Variants in ARK2C observed in about 807,000 individuals in gnomAD.
ARK2C encodes E3 ubiquitin-protein ligase ARK2C.
chr18:46,379,022 A>G, the ARK2C span, among the ~76,000 whole-genome samples: 131,128 of 152,228 alleles, frequency 0.86, 57,209 homozygotes, highest in Middle Eastern at 0.9. Flanking sequence ...GGAGTAGGGA[A>G]GGAGCGGGGC....
the ARK2C span, among the ~76,000 whole-genome samples, chr18:46,406,376 G>A: frequency 1.3e-5 from 2 of 152,220 alleles, no homozygotes; most frequent in African/African-American, 4.8e-5. Flanking sequence ...TGCCCTGTGG[G>A]TGCTGGCCGG....
the ARK2C span, among the ~76,000 whole-genome samples, chr18:46,410,228 A>G: frequency 5.9e-5 from 9 of 152,126 alleles, no homozygotes; most frequent in Non-Finnish European, 1.2e-4. Flanking sequence ...GGCTTCTTGC[A>G]CCTCAGCTCT....
chr18:46,377,699 A>T, the ARK2C span, among the ~76,000 whole-genome samples: 1 of 152,210 alleles, frequency 6.6e-6, no homozygotes, highest in Non-Finnish European at 1.5e-5. Flanking sequence ...CATGAGGGCA[A>T]AGGCATGAGA....
the ARK2C span, among the ~76,000 whole-genome samples, chr18:46,433,801 G>A: frequency 6.6e-6 from 1 of 152,236 alleles, no homozygotes; most frequent in South Asian, 2.1e-4. Context: ...TCACCCAGGT[G>A]CAGGGTCGGG....
chr18:46,347,361 G>T, the ARK2C span, among the ~76,000 whole-genome samples: 1 of 152,122 alleles, frequency 6.6e-6, no homozygotes, highest in African/African-American at 2.4e-5. Flanking sequence ...CCCTGGCCCT[G>T]GCCATCCTGC....
chr18:46,432,769 C>T, the ARK2C span, among the ~76,000 whole-genome samples: 1 of 151,712 alleles, frequency 6.6e-6, no homozygotes, highest in Non-Finnish European at 1.5e-5. Context: ...CACGGTGAAA[C>T]TCCGTCTCTA....
the ARK2C span, chr18:46,334,897 C>T: frequency 4.2e-5 from 7 of 165,324 alleles, no homozygotes; most frequent in Admixed American, 4.5e-4. The surrounding 1 kb of genome is among the most constrained non-coding windows in gnomAD (Gnocchi z 4.4). Context: ...CCCACCCTCT[C>T]GTGGGCACTT....
chr18:46,334,773 T>A, the ARK2C span: 2 of 295,180 alleles, frequency 6.8e-6, no homozygotes, highest in Non-Finnish European at 1.2e-5. This position sits in a 1 kb window ranked among gnomAD's most constrained non-coding sequence, Gnocchi z 4.4. Flanking sequence ...GTTTGCTTTT[T>A]TTGAGGTATA....
the ARK2C span, among the ~76,000 whole-genome samples, chr18:46,340,163 C>T: frequency 6.6e-6 from 1 of 152,286 alleles, no homozygotes; most frequent in Admixed American, 6.5e-5. Flanking sequence ...CCCGGCTTAA[C>T]ATTGTATGAA....
At chr18:46,425,030 C>T in the ARK2C span, among the ~76,000 whole-genome samples, 1 of 152,240 alleles carries the variant, frequency 6.6e-6, no homozygotes, top group Non-Finnish European at 1.5e-5. Context: ...CCCTGCCCCT[C>T]CCTGGTGCCT....
the ARK2C span, among the ~76,000 whole-genome samples, chr18:46,438,572 G>T: frequency 2.0e-5 from 3 of 152,240 alleles, no homozygotes; most frequent in Admixed American, 6.5e-5. Context: ...GAAAATCAGA[G>T]ATTCTGCCAT....
At chr18:46,377,756 T>C in the ARK2C span, among the ~76,000 whole-genome samples, 1 of 152,050 alleles carries the variant, frequency 6.6e-6, no homozygotes, top group South Asian at 2.1e-4. Context: ...TGGGGCATTG[T>C]GAGATGAATA....
At chr18:46,356,567 G>A in the ARK2C span, among the ~76,000 whole-genome samples, 159 of 152,250 alleles carry the variant, frequency 1.0e-3, no homozygotes, top group African/African-American at 3.4e-3. Flanking sequence ...CACGGAATGC[G>A]TACTTCTTGC....
the ARK2C span, among the ~76,000 whole-genome samples, chr18:46,377,852 G>A: frequency 6.6e-6 from 1 of 152,310 alleles, no homozygotes; most frequent in East Asian, 1.9e-4. Flanking sequence ...AGCATGTGAT[G>A]CTCAGGTAAC....
At chr18:46,460,364 A>G in the ARK2C span, 1 of 152,514 alleles carries the variant, frequency 6.6e-6, no homozygotes, top group Admixed American at 6.5e-5. Context: ...GCTGATAGAA[A>G]AACAAAAATG....
At chr18:46,450,386 C>T in the ARK2C span, 22 of 1,610,976 alleles carry the variant, frequency 1.4e-5, no homozygotes, top group Admixed American at 6.7e-5. Flanking sequence ...CTCCGCCGTA[C>T]GGGAGAGCTA....
At chr18:46,454,401 T>C in the ARK2C span, among the ~76,000 whole-genome samples, 1 of 152,198 alleles carries the variant, frequency 6.6e-6, no homozygotes, top group Non-Finnish European at 1.5e-5. Flanking sequence ...ATCATGACTC[T>C]ATTCATACTC....
At chr18:46,402,803 A>G in the ARK2C span, among the ~76,000 whole-genome samples, 2 of 152,002 alleles carry the variant, frequency 1.3e-5, no homozygotes, top group Non-Finnish European at 2.9e-5. Context: ...GCCTGGCCCC[A>G]TTCTCCTTTT....
At chr18:46,451,003 C>T in the ARK2C span, among the ~76,000 whole-genome samples, 4 of 151,790 alleles carry the variant, frequency 2.6e-5, no homozygotes, top group Non-Finnish European at 5.9e-5. Context: ...AGATGGAAGG[C>T]CTCTCATTAG....
Sources: gnomAD v4.1 joint callset for allele counts (sites outside exome capture counted in the v4.1 genomes callset) on GRCh38, gnomAD v4.1.1 for gene constraint, Gnocchi (gnomAD v3.1) non-coding constraint, MANE v1.5 for transcripts, NCBI Gene and HGNC (gene_info 2026-07-23, HGNC 2026-07-21) for gene names.